The following FILIP1L variants were observed in gnomAD, a reference collection of about 807,000 sequenced individuals.
The protein encoded by FILIP1L is filamin A-interacting protein 1-like.
FILIP1L carries 55 observed loss-of-function variants against 96.6 expected under a neutral mutation model. The ratio of observed to expected loss-of-function variants is 0.57; its 90% confidence interval spans 0.46 to 0.71. The LOEUF (loss-of-function observed/expected upper bound fraction) is 0.71, where lower values mean the gene tolerates loss of function less well. Among genes scored for constraint, FILIP1L ranks in the 30% least tolerant of loss-of-function variants. The pLI, the probability that FILIP1L is intolerant of heterozygous loss-of-function variation, is 0.00. For missense variants in FILIP1L, 1,304 were observed against 1,321.2 expected (o/e 0.99, Z 0.20); for synonymous variants, 467 against 473.9 (o/e 0.99, Z 0.19).
chr3:100,019,231 A>G (rs895367930), intron 1 of FILIP1L, among the ~76,000 whole-genome samples: 48 of 152,312 alleles, frequency 3.2e-4, no homozygotes, highest in African/African-American at 1.2e-3. Flanking sequence ...GTATGGTGGC[A>G]CATGTCTAGT....
intron 1 of FILIP1L, among the ~76,000 whole-genome samples, chr3:99,958,171 CA>C (rs1708388217): frequency 6.7e-6 from 1 of 148,608 alleles, no homozygotes; most frequent in South Asian, 2.1e-4. Flanking sequence ...CTGCAGCTAT[CA>C]ACCCATCACC....
chr3:100,084,790 A>G (rs961206673), intron 1 of FILIP1L, among the ~76,000 whole-genome samples: 3 of 152,190 alleles, frequency 2.0e-5, no homozygotes, highest in Non-Finnish European at 4.4e-5. Context: ...CTTGGTTCAT[A>G]TTATCATCTC....
intron 4 of FILIP1L, among the ~76,000 whole-genome samples, chr3:99,853,080 A>G (rs1430327236): frequency 2.6e-5 from 4 of 152,156 alleles, no homozygotes; most frequent in African/African-American, 9.7e-5. Flanking sequence ...CCCCATCCCT[A>G]TCTGAGACAC....
At chr3:99,983,438 ATATGTATGTATATATATATATGTGTG>A (rs1709207229) in intron 1 of FILIP1L, among the ~76,000 whole-genome samples, 3 of 50,608 alleles carry the variant, frequency 5.9e-5, no homozygotes, top group Non-Finnish European at 7.7e-5. Flanking sequence ...GTATGTATAT[ATATGTATGTATATATATATATGTGTG>A]TATATATATA....
intron 4 of FILIP1L, among the ~76,000 whole-genome samples, chr3:99,879,866 A>G (rs1457593659): frequency 3.9e-5 from 6 of 152,174 alleles, no homozygotes; most frequent in African/African-American, 1.4e-4. Context: ...CAGAGTGGGA[A>G]CAGACCCAGG....
At chr3:100,033,270 A>G (rs894788180) in intron 1 of FILIP1L, among the ~76,000 whole-genome samples, 3 of 152,162 alleles carry the variant, frequency 2.0e-5, no homozygotes, top group Admixed American at 2.0e-4. Context: ...GGCAGGCTGC[A>G]TCCTTGAACT....
At chr3:99,974,600 G>T (rs940854697) in intron 1 of FILIP1L, among the ~76,000 whole-genome samples, 1 of 151,998 alleles carries the variant, frequency 6.6e-6, no homozygotes, top group Non-Finnish European at 1.5e-5. Context: ...CCAGCTACTC[G>T]GGAGGCTGAG....
chr3:99,939,670 A>G (rs556632559), intron 1 of FILIP1L, among the ~76,000 whole-genome samples: 39 of 152,310 alleles, frequency 2.6e-4, no homozygotes, highest in African/African-American at 9.4e-4. Context: ...GGATCCAAAA[A>G]TTTGATAGTA....
At chr3:100,079,732 A>T (rs2065902695) in intron 1 of FILIP1L, among the ~76,000 whole-genome samples, 2 of 152,268 alleles carry the variant, frequency 1.3e-5, no homozygotes, top group South Asian at 4.1e-4. Flanking sequence ...ACTTTAGAAC[A>T]AAAATTAATC....
At chr3:99,839,075 G>A (rs1330106152) in intron 5 of FILIP1L, among the ~76,000 whole-genome samples, 7 of 151,942 alleles carry the variant, frequency 4.6e-5, no homozygotes, top group African/African-American at 1.7e-4. Context: ...CACCTCTTTG[G>A]AGCACCTTTC....
intron 1 of FILIP1L, among the ~76,000 whole-genome samples, chr3:100,042,372 A>G (rs952298271): frequency 3.9e-5 from 6 of 152,192 alleles, no homozygotes; most frequent in African/African-American, 1.4e-4. Context: ...AGCCAATACC[A>G]GATACAGTGA....
intron 1 of FILIP1L, among the ~76,000 whole-genome samples, chr3:100,100,310 G>T (rs928644885): frequency 3.3e-5 from 5 of 152,096 alleles, no homozygotes; most frequent in Admixed American, 6.6e-5. Context: ...AAATGTAGTA[G>T]TCCCAAAAAT....
chr3:99,882,754 T>C (rs1024062728), intron 4 of FILIP1L, among the ~76,000 whole-genome samples: 2 of 152,200 alleles, frequency 1.3e-5, no homozygotes, highest in African/African-American at 4.8e-5. Flanking sequence ...AAATCCCAAT[T>C]AATAATTGAG....
intron 1 of FILIP1L, among the ~76,000 whole-genome samples, chr3:100,041,992 A>G (rs969525715): frequency 6.6e-6 from 1 of 152,206 alleles, no homozygotes; most frequent in Non-Finnish European, 1.5e-5. Flanking sequence ...TTCTTCAGCT[A>G]TATGATCTGA....
chr3:100,055,386 C>T (rs1419988386), intron 1 of FILIP1L, among the ~76,000 whole-genome samples: 3 of 152,158 alleles, frequency 2.0e-5, no homozygotes, highest in East Asian at 1.9e-4. Flanking sequence ...GTATGATCCA[C>T]GTGGCCATAT....
At position 99,984,342 on chromosome 3, in the gene FILIP1L, A is replaced by G. The variant is rs80065475; in HGVS notation, c.-10-53312T>C. Among the ~76,000 whole-genome samples the G allele has an allele frequency of 1.6e-3, 242 of 152,330 alleles. 4 individuals carry two copies. In the East Asian group the frequency reaches 0.041, roughly 26 times the overall value. Reference sequence around the variant, plus strand: ...TAATCTAGAGCCAAGAATGAAAACCACATAATATATTTTTAGGATTAAACC... The same window carrying G: ...TAATCTAGAGCCAAGAATGAAAACCGCATAATATATTTTTAGGATTAAACC... On this transcript the variant is annotated intron_variant, in intron 1 of 5. Coordinates refer to ENST00000477258, the MANE Select transcript of FILIP1L (RefSeq NM_001387850.1).
intron 1 of FILIP1L, among the ~76,000 whole-genome samples, chr3:100,013,186 G>T (rs1710213382): frequency 6.6e-6 from 1 of 151,530 alleles, no homozygotes; most frequent in Non-Finnish European, 1.5e-5. Flanking sequence ...TGCATATTCT[G>T]ACAGCAGCCC....
intron 4 of FILIP1L, among the ~76,000 whole-genome samples, chr3:99,904,347 AT>A (rs1223607329): frequency 6.6e-6 from 1 of 152,226 alleles, no homozygotes; most frequent in East Asian, 1.9e-4. Context: ...CCAATCAAGT[AT>A]TTGTAACCAT....
At chr3:99,846,387 C>A (rs1943366269) in intron 5 of FILIP1L, among the ~76,000 whole-genome samples, 1 of 152,204 alleles carries the variant, frequency 6.6e-6, no homozygotes, top group South Asian at 2.1e-4. Context: ...TGTACCCACT[C>A]TCAGTAACTA....
Sources: allele counts gnomAD v4.1 joint callset (sites outside exome capture counted in the v4.1 genomes callset), GRCh38; gene constraint gnomAD v4.1.1; transcripts MANE v1.5; gene names NCBI Gene and HGNC (gene_info 2026-07-23, HGNC 2026-07-21).